The following MAP9 variants were observed in gnomAD, a reference collection of about 807,000 sequenced individuals.
The protein encoded by MAP9 is microtubule-associated protein 9.
In MAP9, 80 loss-of-function variants were observed where a neutral mutation model predicts 75.2. The observed-to-expected ratio is 1.06, with a 90% CI of 0.89 to 1.28. The LOEUF (loss-of-function observed/expected upper bound fraction) is 1.28. Among genes scored for constraint, MAP9 ranks in the 50% most tolerant of loss-of-function variants. The probability of loss-of-function intolerance (pLI) is 0.00; values close to 1 mark genes in which losing one functional copy is unlikely to be tolerated. For synonymous variants in MAP9, 235 were observed against 237.3 expected (o/e 0.99, Z 0.09); for missense variants, 753 against 719.9 (o/e 1.05, Z -0.53).
chr4:155,375,114 T>A, intron 2 of MAP9, 93 bp from the exon 3 acceptor site: 1 of 900,316 alleles, frequency 1.1e-6, no homozygotes, highest in South Asian at 1.9e-5. Context: ...GATTAACGAC[T>A]GCTTTCAAAC....
intron 9 of MAP9, 96 bp downstream of exon 9, chr4:155,355,620 C>T: frequency 1.1e-6 from 1 of 883,110 alleles, no homozygotes; most frequent in Non-Finnish European, 1.6e-6. Flanking sequence ...AGTATTAAAC[C>T]ATCATTTTCT....
intron 3 of MAP9, among the ~76,000 whole-genome samples, chr4:155,374,391 T>C (rs1732743948): frequency 6.6e-6 from 1 of 152,170 alleles, no homozygotes. Context: ...TGTATGCTTA[T>C]ACCTGAAACT....
At position 155,347,900 on chromosome 4, in the gene MAP9, A is replaced by G; in HGVS notation, c.1827T>C (p.Asn609=). 2.0e-6 allele frequency: 3 copies of G among 1,504,642 alleles called. No homozygotes were observed. Among genetic ancestry groups the G allele is most frequent in the Non-Finnish European group, 2.7e-6 (3 of 1,096,966 alleles). The allele number at this position is 1,504,642 out of a possible 1,614,324, so 93.2% of individuals were successfully genotyped here. The change falls in exon 14 of 14, where the codon AAT becomes AAC. Residue 609 remains asparagine, a synonymous_variant. Coordinates refer to ENST00000311277, the MANE Select transcript of MAP9 (RefSeq NM_001039580.2). ...AINEYEKWLE[N]KEKQERIERK... ...GTTCAATTCTTTCTTGTTTTTCCTT[A>G]TTTTCCTAAAGAGAAAATAGAACAC...
At chr4:155,353,137 C>A (rs1448017141) in intron 11 of MAP9, 42 bp downstream of exon 11, 1 of 1,539,764 alleles carries the variant, frequency 6.5e-7, no homozygotes, top group East Asian at 2.3e-5. Flanking sequence ...ATTTGGATTT[C>A]AAATGTTTTA....
At chr4:155,363,656 C>T (rs904914693) in intron 5 of MAP9, among the ~76,000 whole-genome samples, 1 of 152,078 alleles carries the variant, frequency 6.6e-6, no homozygotes, top group African/African-American at 2.4e-5. Context: ...AACACACATA[C>T]TTTGCAACTG....
In MAP9 at chr4:155,347,923, C is replaced by A. The variant is rs1381006179; in HGVS notation, c.1822-18G>T. 7.2e-7 allele frequency: 1 copy of A among 1,393,570 alleles called. No homozygotes were observed. The highest frequency in any genetic ancestry group is 1.3e-5 in the South Asian group (1 of 79,100). 86.3% of individuals were successfully genotyped at this position (1,393,570 alleles called of 1,614,324 possible). On this transcript the variant is annotated intron_variant, in intron 13 of 13. Coordinates refer to ENST00000311277, the MANE Select transcript of MAP9 (RefSeq NM_001039580.2). Reference sequence around the variant, plus strand: ...TTATTTTCCTAAAGAGAAAATAGAACACTATAAATTTATGTACATATATGA... The same window carrying A: ...TTATTTTCCTAAAGAGAAAATAGAAAACTATAAATTTATGTACATATATGA...
chr4:155,347,550 A>G lies in MAP9; in HGVS notation c.*233T>C, dbSNP rs1731327482. Reference sequence around the variant, plus strand: ...ATCAGGACATGATAAAATCTTATGTATCTTAATGGTAAAAACAATCTGATT... The same window carrying G: ...ATCAGGACATGATAAAATCTTATGTGTCTTAATGGTAAAAACAATCTGATT... On this transcript the variant is annotated 3_prime_UTR_variant, in exon 14 of 14. Coordinates refer to ENST00000311277, the MANE Select transcript of MAP9 (RefSeq NM_001039580.2). 2.6e-6 allele frequency: 1 copy of G among 383,902 alleles called. No individual in the cohort carries two copies. The highest frequency in any genetic ancestry group is 4.6e-6 in the Non-Finnish European group (1 of 216,902). The allele number at this position is 383,902 out of a possible 1,614,324, so 23.8% of individuals were successfully genotyped here.
chr4:155,348,737 T>C (rs1162914469), intron 13 of MAP9, among the ~76,000 whole-genome samples: 2 of 152,184 alleles, frequency 1.3e-5, no homozygotes, highest in Non-Finnish European at 2.9e-5. Flanking sequence ...GGTATTTGCC[T>C]TTAATTTTTA....
chr4:155,343,204 A>G lies in MAP9; in HGVS notation c.*4579T>C, dbSNP rs1259549479. ...TATTTGTATTTTATATATATTATGTACATCATTATATATATATGCATACAT... is the reference window on the plus strand; with the variant it reads ...TATTTGTATTTTATATATATTATGTGCATCATTATATATATATGCATACAT... On this transcript the variant is annotated 3_prime_UTR_variant, in exon 14 of 14. Transcript: ENST00000311277. 2 of 150,378 alleles carry G rather than the reference A, an allele frequency of 1.3e-5. No individual in the cohort carries two copies. Among genetic ancestry groups the G allele is most frequent in the African/African-American group, 4.9e-5 (2 of 41,066 alleles). The allele number at this position is 150,378 out of a possible 1,614,324, so 9.3% of individuals were successfully genotyped here.
chr4:155,375,037 GAAA>G lies in MAP9; in HGVS notation c.76-19_76-17del. 1 of 1,531,530 alleles carries G rather than the reference GAAA, an allele frequency of 6.5e-7. No homozygotes were observed. Among genetic ancestry groups the G allele is most frequent in the Non-Finnish European group, 8.9e-7 (1 of 1,120,102 alleles). 94.9% of individuals were successfully genotyped at this position (1,531,530 alleles called of 1,614,324 possible). A position where few individuals can be genotyped will look rare whatever the true frequency, so the allele number is the denominator to read the frequency against. ...TTAGCTCATCCTGAAATGAGATACT[GAAA>G]TCAATTTCCATCCAAACATGGAGGT... On this transcript the variant is annotated splice_polypyrimidine_tract_variant and intron_variant, in intron 2 of 13. Transcript: ENST00000311277.
chr4:155,344,909 A>C lies in MAP9; in HGVS notation c.*2874T>G, dbSNP rs182035150. 4.6e-5 allele frequency: 7 copies of C among 152,018 alleles called. No individual in the cohort carries two copies. Among genetic ancestry groups the C allele is most frequent in the Admixed American group, 1.3e-4 (2 of 15,242 alleles). The allele number at this position is 152,018 out of a possible 1,614,324, so 9.4% of individuals were successfully genotyped here. ...CATAAAATTTGTTTTCTTTACTTTG[A>C]GATCTCTGCATTCTTTAAGTGATCA... On this transcript the variant is annotated 3_prime_UTR_variant, in exon 14 of 14. Coordinates refer to ENST00000311277, the MANE Select transcript of MAP9 (RefSeq NM_001039580.2).
intron 4 of MAP9, among the ~76,000 whole-genome samples, chr4:155,370,068 G>A (rs934850672): frequency 6.6e-6 from 1 of 152,108 alleles, no homozygotes; most frequent in Non-Finnish European, 1.5e-5. Flanking sequence ...ATTATTATAA[G>A]TAGCTGACAA....
At chr4:155,360,503 A>T in intron 6 of MAP9, 88 bp from the exon 7 acceptor site, 1 of 1,274,688 alleles carries the variant, frequency 7.8e-7, no homozygotes, top group African/African-American at 1.7e-5. Flanking sequence ...TTAAATGAGG[A>T]CTATCTATAA....
In MAP9 at chr4:155,343,776, A is replaced by T. The variant is rs1388696077; in HGVS notation, c.*4007T>A. ...AAAACATCCTAAATTTAATACCAAG[A>T]ATTTTGCCTACCCGAGTTAACATTA... On this transcript the variant is annotated 3_prime_UTR_variant, in exon 14 of 14. Transcript: ENST00000311277. The T allele has an allele frequency of 1.3e-5, 2 of 151,852 alleles. No homozygotes were observed. The highest frequency in any genetic ancestry group is 3.8e-4 in the East Asian group (2 of 5,196). The allele number at this position is 151,852 out of a possible 1,614,324, so 9.4% of individuals were successfully genotyped here. A position where few individuals can be genotyped will look rare whatever the true frequency, so the allele number is the denominator to read the frequency against.
intron 5 of MAP9, among the ~76,000 whole-genome samples, chr4:155,366,013 T>C (rs1052242108): frequency 6.6e-6 from 1 of 152,016 alleles, no homozygotes; most frequent in African/African-American, 2.4e-5. Flanking sequence ...CACGAAAATC[T>C]TAAAAATGAA....
chr4:155,369,865 G>A (rs1371933472), intron 4 of MAP9, among the ~76,000 whole-genome samples: 1 of 152,112 alleles, frequency 6.6e-6, no homozygotes, highest in East Asian at 1.9e-4. Context: ...TCCAGTATTC[G>A]AAACAATGGG....
At chr4:155,372,159 G>T (rs1732629800) in intron 4 of MAP9, among the ~76,000 whole-genome samples, 1 of 152,086 alleles carries the variant, frequency 6.6e-6, no homozygotes, top group African/African-American at 2.4e-5. Context: ...TACATCCTTT[G>T]CTCATTTCAA....
chr4:155,360,265 T>C lies in MAP9; in HGVS notation c.953A>G (p.Lys318Arg), dbSNP rs1732009707. The C allele has an allele frequency of 6.2e-7, 1 of 1,613,164 alleles. No homozygotes were observed. The highest frequency in any genetic ancestry group is 1.3e-5 in the African/African-American group (1 of 74,868). The stretch of plus-strand genomic sequence containing the variant: ...GTCATCATCCATAATCAGTTCCGCT[T>C]TTGCCTTTTCTTCTTCAAGGTCATC... ...TADDLEEEKA[K>R]AELIMDDDRT... The change falls in exon 7 of 14, where the codon AAA becomes AGA. Residue 318 changes from lysine (K) to arginine (R), a missense_variant. Transcript: ENST00000311277.
intron 7 of MAP9, among the ~76,000 whole-genome samples, chr4:155,358,762 A>C (rs1731922225): frequency 6.6e-6 from 1 of 152,144 alleles, no homozygotes; most frequent in African/African-American, 2.4e-5. Flanking sequence ...AGGGCAAAAA[A>C]CATGAATAGA....
Sources: allele counts gnomAD v4.1 joint callset (sites outside exome capture counted in the v4.1 genomes callset), GRCh38; gene constraint gnomAD v4.1.1; transcripts MANE v1.5; gene names NCBI Gene and HGNC (gene_info 2026-07-23, HGNC 2026-07-21).